The following PPA2 variants were observed in gnomAD, a reference collection of about 807,000 sequenced individuals.
The protein encoded by PPA2 is inorganic pyrophosphatase 2, mitochondrial.
In PPA2, 48 loss-of-function variants were observed where a neutral mutation model predicts 49.5. The observed-to-expected ratio is 0.97, with a 90% CI of 0.77 to 1.23. PPA2 has a LOEUF of 1.23. PPA2 is among the 50% of genes most tolerant of loss of function. The probability of loss-of-function intolerance (pLI) is 0.00; values close to 1 mark genes in which losing one functional copy is unlikely to be tolerated. For synonymous variants in PPA2, 131 were observed against 139.9 expected (o/e 0.94, Z 0.45); for missense variants, 429 against 410.1 (o/e 1.05, Z -0.40).
intron 10 of PPA2, among the ~76,000 whole-genome samples, chr4:105,382,088 C>T (rs1448320078): frequency 6.6e-6 from 1 of 151,894 alleles, no homozygotes; most frequent in East Asian, 1.9e-4. Flanking sequence ...CATACACTGA[C>T]TCAGTTGTCT....
At chr4:105,376,352 G>C (rs1733250807) in intron 10 of PPA2, among the ~76,000 whole-genome samples, 1 of 152,134 alleles carries the variant, frequency 6.6e-6, no homozygotes, top group African/African-American at 2.4e-5. Context: ...TTGCTTTACT[G>C]AGAGATAAGA....
At chr4:105,411,373 T>C (rs866284633) in intron 7 of PPA2, among the ~76,000 whole-genome samples, 2 of 152,162 alleles carry the variant, frequency 1.3e-5, no homozygotes, top group Non-Finnish European at 2.9e-5. Context: ...ATCCTAAATA[T>C]ATATGCACCC....
At chr4:105,420,978 T>TAATTTA (rs1351440002) in intron 7 of PPA2, among the ~76,000 whole-genome samples, 1 of 152,214 alleles carries the variant, frequency 6.6e-6, no homozygotes, top group African/African-American at 2.4e-5. Flanking sequence ...ATACTTAACA[T>TAATTTA]AATTTAAACA....
intron 9 of PPA2, among the ~76,000 whole-genome samples, chr4:105,392,230 G>C (rs1733951917): frequency 6.6e-6 from 1 of 151,652 alleles, no homozygotes; most frequent in South Asian, 2.1e-4. Flanking sequence ...TTAGATTTCA[G>C]AGTAAACATC....
chr4:105,427,346 A>T (rs1723564309), intron 6 of PPA2, among the ~76,000 whole-genome samples: 1 of 152,162 alleles, frequency 6.6e-6, no homozygotes, highest in Non-Finnish European at 1.5e-5. Context: ...ATGAAGAATG[A>T]CTTTGATGAG....
chr4:105,472,604 A>G (rs1723569541), intron 1 of PPA2, among the ~76,000 whole-genome samples: 1 of 152,200 alleles, frequency 6.6e-6, no homozygotes, highest in Non-Finnish European at 1.5e-5. Context: ...GAAATTTGAG[A>G]CTTCCTGTTC....
chr4:105,402,119 A>C (rs1560613760), intron 7 of PPA2, among the ~76,000 whole-genome samples: 1 of 152,300 alleles, frequency 6.6e-6, no homozygotes, highest in Non-Finnish European at 1.5e-5. Context: ...TTGTCAAATT[A>C]AGCCTGGAGC....
rs553088020 is a variant in PPA2 at position 105,412,478 on chromosome 4, T to C, written c.655+11718A>G. 1.4e-4 allele frequency among the ~76,000 whole-genome samples: 22 copies of C among 152,258 alleles called. No individual in the cohort carries two copies. The East Asian group carries it at 4.2e-3, about 29-fold the overall frequency. ...AAGCAATGGCAATAGAAGCCAAAATTGACAAATGGGATCTAATTAAACTAA... is the reference window on the plus strand; with the variant it reads ...AAGCAATGGCAATAGAAGCCAAAATCGACAAATGGGATCTAATTAAACTAA... On this transcript the variant is annotated intron_variant, in intron 7 of 11. Transcript: ENST00000341695.
chr4:105,378,989 T>C (rs769061783), intron 10 of PPA2, among the ~76,000 whole-genome samples: 1 of 152,168 alleles, frequency 6.6e-6, no homozygotes, highest in Non-Finnish European at 1.5e-5. Flanking sequence ...TCTAGGTCCT[T>C]AGTATTTATT....
chr4:105,412,980 T>C lies in PPA2; in HGVS notation c.655+11216A>G, dbSNP rs1271241897. 4.6e-5 allele frequency among the ~76,000 whole-genome samples: 7 copies of C among 152,310 alleles called. No individual in the cohort carries two copies. The East Asian group carries it at 1.4e-3, about 29-fold the overall frequency. On this transcript the variant is annotated intron_variant, in intron 7 of 11. Transcript: ENST00000341695. ...CCATTTGACCCAGAGATCCCATTAC[T>C]GGGTATATACCCAAAGGATTATAAA...
At chr4:105,397,114 T>G (rs1734181950) in intron 8 of PPA2, among the ~76,000 whole-genome samples, 1 of 152,136 alleles carries the variant, frequency 6.6e-6, no homozygotes, top group African/African-American at 2.4e-5. Flanking sequence ...TTCCCAAAAA[T>G]TGTTGTTTGT....
chr4:105,430,663 G>A (rs1723756102), intron 6 of PPA2, among the ~76,000 whole-genome samples: 1 of 152,180 alleles, frequency 6.6e-6, no homozygotes, highest in African/African-American at 2.4e-5. Context: ...AAAAGGACAA[G>A]ATAGAGGCTA....
chr4:105,372,218 C>T (rs1243622790), intron 10 of PPA2, among the ~76,000 whole-genome samples: 4 of 152,092 alleles, frequency 2.6e-5, no homozygotes, highest in Non-Finnish European at 5.9e-5. Context: ...ACTTTGGCCC[C>T]TTGTGGGGAT....
rs541637942 is a variant in PPA2, at chr4:105,415,662, G to C, written c.655+8534C>G. Among the ~76,000 whole-genome samples, 46 of 152,246 alleles carry C rather than the reference G, an allele frequency of 3.0e-4. 2 individuals carry two copies. The highest frequency in any genetic ancestry group is 1.9e-3 in the South Asian group (9 of 4,820). On this transcript the variant is annotated intron_variant, in intron 7 of 11. Coordinates refer to ENST00000341695, the MANE Select transcript of PPA2 (RefSeq NM_176869.3). ...TGATCCCACCCTGCCAACTCGGAAGGGGGTGGGGCTCCCACCTGTTCCTGG... is the reference window on the plus strand; with the variant it reads ...TGATCCCACCCTGCCAACTCGGAAGCGGGTGGGGCTCCCACCTGTTCCTGG...
chr4:105,378,332 A>G (rs1369223557), intron 10 of PPA2, among the ~76,000 whole-genome samples: 1 of 152,122 alleles, frequency 6.6e-6, no homozygotes, highest in Non-Finnish European at 1.5e-5. Context: ...CCTTCTTTAT[A>G]GATTTGGTGA....
At chr4:105,427,858 G>A (rs539159361) in intron 6 of PPA2, among the ~76,000 whole-genome samples, 1 of 152,214 alleles carries the variant, frequency 6.6e-6, no homozygotes, top group Admixed American at 6.5e-5. Flanking sequence ...ACGCCACAAA[G>A]ATACTCCTCG....
intron 7 of PPA2, among the ~76,000 whole-genome samples, chr4:105,403,465 CCTT>C (rs140836622): frequency 0.021 from 3,174 of 152,108 alleles, 50 homozygotes; most frequent in Middle Eastern, 0.062. Context: ...TATAGAATCT[CCTT>C]AAGGGAATTT....
intron 9 of PPA2, among the ~76,000 whole-genome samples, chr4:105,392,081 G>A (rs1733944755): frequency 6.6e-6 from 1 of 152,012 alleles, no homozygotes; most frequent in Non-Finnish European, 1.5e-5. Flanking sequence ...TTCTTAATAA[G>A]GTATATCAAC....
At chr4:105,433,762 T>C (rs537876078) in intron 6 of PPA2, among the ~76,000 whole-genome samples, 36 of 152,360 alleles carry the variant, frequency 2.4e-4, no homozygotes, top group African/African-American at 8.4e-4. Context: ...GTATTTCTGA[T>C]ACATGTCCTC....
Sources: gnomAD v4.1 joint callset for allele counts (sites outside exome capture counted in the v4.1 genomes callset) on GRCh38, gnomAD v4.1.1 for gene constraint, MANE v1.5 for transcripts, NCBI Gene and HGNC (gene_info 2026-07-23, HGNC 2026-07-21) for gene names.